Variants in WFDC13 observed in about 807,000 individuals in gnomAD.
The protein encoded by WFDC13 is WAP four-disulfide core domain protein 13.
A neutral mutation model predicts 10.9 loss-of-function variants in WFDC13; 6 were observed. The ratio of observed to expected loss-of-function variants is 0.55; its 90% confidence interval spans 0.30 to 1.09. The LOEUF is 1.09. WFDC13 is among the 50% of genes least tolerant of loss of function. WFDC13 has a pLI of 0.06. For synonymous variants in WFDC13, 38 were observed against 39.5 expected, an observed-to-expected ratio of 0.96 and a Z score of 0.14; for missense variants, 104 against 109.6, an observed-to-expected ratio of 0.95 and a Z score of 0.23.
At chr20:45,704,737 T>C (rs767157519) in intron 2 of WFDC13, 143 bp downstream of exon 2, 58 of 1,401,040 alleles carry the variant, frequency 4.1e-5, no homozygotes, top group Non-Finnish European at 5.2e-5. Flanking sequence ...CCCCTTCTCT[T>C]GACCAAGGAT....
rs76530431 is a variant in WFDC13, at chr20:45,702,727, A to C, written c.88+516A>C. Among the ~76,000 whole-genome samples the C allele has an allele frequency of 5.5e-3, 834 of 152,282 alleles. 6 individuals carry two copies. Among genetic ancestry groups the C allele is most frequent in the African/African-American group, 0.019 (800 of 41,556 alleles). On this transcript the variant is annotated intron_variant, in intron 1 of 3. Coordinates refer to ENST00000305479, the MANE Select transcript of WFDC13 (RefSeq NM_172005.2). Reference sequence around the variant, plus strand: ...TTTTCAAACTCCAGAGGTACTGTACAATTACCGGTAATTAGCATCAATGGG... The same window carrying C: ...TTTTCAAACTCCAGAGGTACTGTACCATTACCGGTAATTAGCATCAATGGG...
chr20:45,703,367 C>A (rs1404039653), intron 1 of WFDC13, among the ~76,000 whole-genome samples: 2 of 152,128 alleles, frequency 1.3e-5, no homozygotes, highest in African/African-American at 4.8e-5. Flanking sequence ...CTTCTTTTAC[C>A]CCAATTCTGG....
In WFDC13 at chr20:45,704,434, T is replaced by C; in HGVS notation, c.89-10T>C. 6.2e-7 allele frequency: 1 copy of C among 1,609,538 alleles called. No individual in the cohort carries two copies. The highest frequency in any genetic ancestry group is 8.5e-7 in the Non-Finnish European group (1 of 1,177,932). ...GGTGAGGCCCTTCTCTTACTTGTTC[T>C]GTGTTCCAGAGTATATCTTGGAACC... On this transcript the variant is annotated splice_polypyrimidine_tract_variant and intron_variant, in intron 1 of 3. Transcript: ENST00000305479.
At position 45,708,618 on chromosome 20, in the gene WFDC13, CTA is replaced by C. The variant is rs774198002; in HGVS notation, c.*786_*787del. The C allele has an allele frequency of 2.0e-5, 3 of 152,134 alleles. No individual in the cohort carries two copies. Among genetic ancestry groups the C allele is most frequent in the Non-Finnish European group, 4.4e-5 (3 of 67,974 alleles). The allele number at this position is 152,134 out of a possible 1,614,324, so 9.4% of individuals were successfully genotyped here. Reference sequence around the variant, plus strand: ...TCTCTCTACAGAAATGATATAAAAACTATAGTCATAAGAAGAGACAATCAAAA... The same window carrying C: ...TCTCTCTACAGAAATGATATAAAAACTAGTCATAAGAAGAGACAATCAAAA... On this transcript the variant is annotated 3_prime_UTR_variant, in exon 4 of 4. Coordinates refer to ENST00000305479, the MANE Select transcript of WFDC13 (RefSeq NM_172005.2).
intron 1 of WFDC13, among the ~76,000 whole-genome samples, chr20:45,703,171 T>G (rs1427211036): frequency 6.6e-6 from 1 of 152,174 alleles, no homozygotes; most frequent in African/African-American, 2.4e-5. Context: ...TTGAAAAGGG[T>G]GACCTCTCTG....
chr20:45,704,786 C>A, intron 2 of WFDC13, 192 bp downstream of exon 2: 1 of 1,283,794 alleles, frequency 7.8e-7, no homozygotes, highest in Admixed American at 1.8e-5. Flanking sequence ...GCCCTCCTCC[C>A]CTCCCAATCA....
chr20:45,703,648 G>A (rs2145644827), intron 1 of WFDC13, among the ~76,000 whole-genome samples: 1 of 152,226 alleles, frequency 6.6e-6, no homozygotes, highest in Non-Finnish European at 1.5e-5. Flanking sequence ...AGGAGATTGT[G>A]GGTTGTGGAC....
intron 1 of WFDC13, among the ~76,000 whole-genome samples, chr20:45,703,521 C>T (rs1984258957): frequency 6.6e-6 from 1 of 152,094 alleles, no homozygotes; most frequent in Non-Finnish European, 1.5e-5. Context: ...AATAGAATGC[C>T]CCACTTTTGA....
At chr20:45,703,537 G>GC (rs756259144) in intron 1 of WFDC13, among the ~76,000 whole-genome samples, 29 of 152,010 alleles carry the variant, frequency 1.9e-4, no homozygotes, top group Non-Finnish European at 2.9e-4. Context: ...TTTGACTTTT[G>GC]CCCCCAAAGA....
intron 3 of WFDC13, among the ~76,000 whole-genome samples, chr20:45,707,339 T>A (rs1405839685): frequency 1.3e-5 from 2 of 152,218 alleles, no homozygotes; most frequent in Admixed American, 1.3e-4. Flanking sequence ...GTGGTTCGAG[T>A]TGACCTGAGT....
intron 2 of WFDC13, chr20:45,705,034 A>C (rs540447614): frequency 1.2e-6 from 2 of 1,601,388 alleles, no homozygotes; most frequent in South Asian, 1.1e-5. Flanking sequence ...ATCCAGCCCA[A>C]AGGAAGTTTT....
rs1436578756 is a variant in WFDC13 at position 45,708,676 on chromosome 20, TA to T, written c.*842del. The T allele has an allele frequency of 6.6e-6, 1 of 152,206 alleles. No homozygotes were observed. Among genetic ancestry groups the T allele is most frequent in the Non-Finnish European group, 1.5e-5 (1 of 68,036 alleles). The allele number at this position is 152,206 out of a possible 1,614,324, so 9.4% of individuals were successfully genotyped here. A position where few individuals can be genotyped will look rare whatever the true frequency, so the allele number is the denominator to read the frequency against. On this transcript the variant is annotated 3_prime_UTR_variant, in exon 4 of 4. Coordinates refer to ENST00000305479, the MANE Select transcript of WFDC13 (RefSeq NM_172005.2). ...CAGCCATAAAATATTAAAAAGGTAT[TA>T]TAAAGGTATTTAAAATAATAATAAT...
chr20:45,708,612 T>C lies in WFDC13; in HGVS notation c.*777T>C, dbSNP rs1230665669. The C allele has an allele frequency of 2.0e-5, 3 of 152,162 alleles. No homozygotes were observed. Among genetic ancestry groups the C allele is most frequent in the Non-Finnish European group, 4.4e-5 (3 of 68,010 alleles). 9.4% of individuals were successfully genotyped at this position (152,162 alleles called of 1,614,324 possible). ...TTCTGTTCTCTCTACAGAAATGATA[T>C]AAAAACTATAGTCATAAGAAGAGAC... On this transcript the variant is annotated 3_prime_UTR_variant, in exon 4 of 4. Coordinates refer to ENST00000305479, the MANE Select transcript of WFDC13 (RefSeq NM_172005.2).
chr20:45,703,782 T>C (rs1479231476), intron 1 of WFDC13, among the ~76,000 whole-genome samples: 1 of 152,166 alleles, frequency 6.6e-6, no homozygotes, highest in African/African-American at 2.4e-5. Context: ...AAGTGGGGCA[T>C]CCTGGTGCTC....
chr20:45,704,800 C>CATCCCATCACCAT, intron 2 of WFDC13: 1 of 1,296,256 alleles, frequency 7.7e-7, no homozygotes, highest in Non-Finnish European at 1.1e-6. Flanking sequence ...CCAATCACCA[C>CATCCCATCACCAT]ATCCCATCAC....
At position 45,702,227 on chromosome 20, in the gene WFDC13, G is replaced by A. The variant is rs200911293; in HGVS notation, c.88+16G>A. The A allele has an allele frequency of 1.2e-6, 2 of 1,607,068 alleles. No homozygotes were observed. The highest frequency in any genetic ancestry group is 2.2e-5 in the East Asian group (1 of 44,602). On this transcript the variant is annotated intron_variant, in intron 1 of 3. Transcript: ENST00000305479. The stretch of plus-strand genomic sequence containing the variant: ...CGTGTTCTGAGTAGGTGCTGGATCT[G>A]GGCCCAAGGAGGGAAGTAACATGTG...
chr20:45,706,042 A>C, intron 3 of WFDC13, 115 bp downstream of exon 3: 5 of 842,974 alleles, frequency 5.9e-6, no homozygotes, highest in Non-Finnish European at 9.5e-6. Context: ...ATGGCCTCTC[A>C]TTACCTGATT....
rs370741523 is a variant in WFDC13 at position 45,702,121 on chromosome 20, A to G, written c.-3A>G. 6.2e-7 allele frequency: 1 copy of G among 1,612,370 alleles called. No individual in the cohort carries two copies. Among genetic ancestry groups the G allele is most frequent in the African/African-American group, 1.3e-5 (1 of 74,872 alleles). On this transcript the variant is annotated 5_prime_UTR_variant, in exon 1 of 4. Coordinates refer to ENST00000305479, the MANE Select transcript of WFDC13 (RefSeq NM_172005.2). Reference sequence around the variant, plus strand: ...GAACTTACTCACCCATCCCACTGACACCATGAAGCCTGTGCTGCCTCTCCA... The same window carrying G: ...GAACTTACTCACCCATCCCACTGACGCCATGAAGCCTGTGCTGCCTCTCCA...
chr20:45,705,988 T>C, intron 3 of WFDC13, 61 bp downstream of exon 3: 2 of 1,452,004 alleles, frequency 1.4e-6, no homozygotes, highest in East Asian at 2.3e-5. Flanking sequence ...GCTCACTTTC[T>C]TCCTGTAGCC....
Sources: allele counts gnomAD v4.1 joint callset (sites outside exome capture counted in the v4.1 genomes callset), GRCh38; gene constraint gnomAD v4.1.1; transcripts MANE v1.5; gene names NCBI Gene and HGNC (gene_info 2026-07-23, HGNC 2026-07-21).